The following DDX50 variants were observed in gnomAD, a reference collection of about 807,000 sequenced individuals.
DDX50 encodes the protein ATP-dependent RNA helicase DDX50.
A neutral mutation model predicts 94.8 loss-of-function variants in DDX50; 56 were observed. The observed-to-expected ratio is 0.59, with a 90% confidence interval of 0.48 to 0.74. The LOEUF (loss-of-function observed/expected upper bound fraction) is 0.74, where lower values mean the gene tolerates loss of function less well. Among genes scored for constraint, DDX50 ranks in the 30% least tolerant of loss-of-function variants. The probability of loss-of-function intolerance (pLI) is 0.00; values close to 1 mark genes in which losing one functional copy is unlikely to be tolerated. For synonymous variants in DDX50, 264 were observed against 295.4 expected (o/e 0.89, Z 1.09); for missense variants, 713 against 881.2 (o/e 0.81, Z 2.42).
intron 8 of DDX50, among the ~76,000 whole-genome samples, chr10:68,922,939 A>AT (rs927538853): frequency 6.6e-6 from 1 of 150,508 alleles, no homozygotes; most frequent in African/African-American, 2.4e-5. Context: ...CTACAGGCGC[A>AT]TGCCACCACA....
Position 68,906,852 on chromosome 10 carries a change from G to T in DDX50, c.229G>T (p.Gly77Ter). 6.2e-7 allele frequency: 1 copy of T among 1,613,026 alleles called. No homozygotes were observed. Reference sequence around the variant, plus strand: ...GAAGCTAAATGGAGACACTGAAGAAGGATTTAATAGACTTTCAGATGAATT... The same window carrying T: ...GAAGCTAAATGGAGACACTGAAGAATGATTTAATAGACTTTCAGATGAATT... ...KEKLNGDTEE[G>*]FNRLSDEFSK... Residue 77 changes from glycine to a stop codon, truncating the protein, a stop_gained, in exon 2 of 15, where the codon GGA (glycine) becomes TGA (stop). Coordinates refer to ENST00000373585, the MANE Select transcript of DDX50 (RefSeq NM_024045.2). LOFTEE classifies it high-confidence loss of function.
intron 8 of DDX50, among the ~76,000 whole-genome samples, chr10:68,933,976 A>T (rs1250470982): frequency 6.6e-6 from 1 of 151,618 alleles, no homozygotes; most frequent in African/African-American, 2.4e-5. Context: ...CCAAACTCTT[A>T]GCAGTGAATT....
intron 8 of DDX50, among the ~76,000 whole-genome samples, chr10:68,920,405 C>T (rs1390776844): frequency 2.0e-5 from 3 of 152,074 alleles, no homozygotes; most frequent in African/African-American, 7.2e-5. Flanking sequence ...TCAAGCAATT[C>T]CGCCCTCCCC....
At position 68,922,192 on chromosome 10, in the gene DDX50, C is replaced by CT. The variant is rs921347110; in HGVS notation, c.1239+2220dup. 3.5e-3 allele frequency among the ~76,000 whole-genome samples: 522 copies of CT among 151,146 alleles called. 3 individuals carry two copies. Among genetic ancestry groups the CT allele is most frequent in the African/African-American group, 0.012 (490 of 41,266 alleles). On this transcript the variant is annotated intron_variant, in intron 8 of 14. Transcript: ENST00000373585. Reference sequence around the variant, plus strand: ...CTTATTCAGTTTTCAAAATTTCTCTCTTTTTTTTTAAGAGACAGGATCTTG... The same window carrying CT: ...CTTATTCAGTTTTCAAAATTTCTCTCTTTTTTTTTTAAGAGACAGGATCTTG...
At chr10:68,946,128 A>G (rs998218647) in intron 14 of DDX50, among the ~76,000 whole-genome samples, 4 of 152,138 alleles carry the variant, frequency 2.6e-5, no homozygotes, top group African/African-American at 9.7e-5. Flanking sequence ...GTAATTAGTA[A>G]TACATAGTTT....
At chr10:68,913,731 A>C (rs1008328959) in intron 6 of DDX50, among the ~76,000 whole-genome samples, 155 bp downstream of exon 6, 1 of 152,224 alleles carries the variant, frequency 6.6e-6, no homozygotes, top group African/African-American at 2.4e-5. Context: ...AGAAAGTATG[A>C]TAGCATCATT....
chr10:68,926,619 C>T (rs1842096434), intron 8 of DDX50, among the ~76,000 whole-genome samples: 1 of 151,950 alleles, frequency 6.6e-6, no homozygotes, highest in African/African-American at 2.4e-5. Flanking sequence ...CTTCTAAATT[C>T]TAAACAGCTG....
intron 8 of DDX50, among the ~76,000 whole-genome samples, chr10:68,926,227 G>T (rs1406967306): frequency 6.8e-6 from 1 of 146,014 alleles, no homozygotes; most frequent in Non-Finnish European, 1.5e-5. Context: ...TTTATAAACA[G>T]ATAGATGGTA....
rs981554594 is a variant in DDX50, at chr10:68,906,812, A to C, written c.189A>C (p.Lys63Asn). ...ACCTGGATGCTCCCAAGGCCAAAAA[A>C]TCTAAAATGAAAGAGAAGCTAAATG... is the stretch of plus-strand genomic sequence containing the variant. ...TDDLDAPKAK[K>N]SKMKEKLNGD... The change falls in exon 2 of 15, where the codon AAA (lysine) becomes AAC (asparagine). Residue 63 changes from lysine (K) to asparagine (N), a missense_variant. Coordinates refer to ENST00000373585, the MANE Select transcript of DDX50 (RefSeq NM_024045.2). 3.1e-6 allele frequency: 5 copies of C among 1,613,822 alleles called. No homozygotes were observed. Among genetic ancestry groups the C allele is most frequent in the Non-Finnish European group, 4.2e-6 (5 of 1,179,962 alleles).
chr10:68,904,255 G>C (rs78812335), intron 1 of DDX50, among the ~76,000 whole-genome samples: 9,157 of 152,110 alleles, frequency 0.06, 325 homozygotes, highest in Middle Eastern at 0.1. Context: ...AGGCCACAGT[G>C]AACCATGGTT....
Position 68,934,791 on chromosome 10 carries a change from A to G in DDX50, c.1402-8A>G. 1 of 1,578,980 alleles carries G rather than the reference A, an allele frequency of 6.3e-7. No individual in the cohort carries two copies. The highest frequency in any genetic ancestry group is 8.6e-7 in the Non-Finnish European group (1 of 1,168,990). On this transcript the variant is annotated splice_region_variant and splice_polypyrimidine_tract_variant and intron_variant, in intron 9 of 14. Coordinates refer to ENST00000373585, the MANE Select transcript of DDX50 (RefSeq NM_024045.2). The surrounding 1 kb of genome is among the most constrained non-coding windows in gnomAD (Gnocchi z 4.0). ...TTTTTAAAAAATATTACCTTTTATA[A>G]TCTTTAGGATGTTGAGTCCTATATC...
intron 14 of DDX50, among the ~76,000 whole-genome samples, 173 bp from the exon 15 acceptor site, chr10:68,946,179 G>T (rs1208897593): frequency 6.6e-6 from 1 of 151,978 alleles, no homozygotes; most frequent in African/African-American, 2.4e-5. Flanking sequence ...TTATGATCTC[G>T]AAAATTGAAA....
intron 7 of DDX50, among the ~76,000 whole-genome samples, chr10:68,917,344 C>A (rs546166767): frequency 1.3e-5 from 2 of 151,994 alleles, no homozygotes; most frequent in South Asian, 4.1e-4. Context: ...CCTGTAGTCC[C>A]AGCTACTTGG....
intron 3 of DDX50, among the ~76,000 whole-genome samples, 160 bp from the exon 4 acceptor site, chr10:68,910,908 T>TA (rs1841607786): frequency 6.6e-6 from 1 of 152,246 alleles, no homozygotes; most frequent in Non-Finnish European, 1.5e-5. Flanking sequence ...AAGTTTAGAC[T>TA]AATTTTTTAG....
chr10:68,912,146 A>G (rs1841642247), intron 4 of DDX50, among the ~76,000 whole-genome samples: 1 of 152,108 alleles, frequency 6.6e-6, no homozygotes, highest in Non-Finnish European at 1.5e-5. Context: ...TTTCGGGTGA[A>G]ATTAGGAAAA....
At chr10:68,906,629 G>C in intron 1 of DDX50, 82 bp from the exon 2 acceptor site, 28 of 1,457,306 alleles carry the variant, frequency 1.9e-5, no homozygotes, top group Non-Finnish European at 2.5e-5. Flanking sequence ...CTGAACTGGT[G>C]GGGGAGTCAT....
intron 8 of DDX50, among the ~76,000 whole-genome samples, chr10:68,926,911 C>A (rs994900382): frequency 1.1e-4 from 16 of 147,644 alleles, no homozygotes; most frequent in Middle Eastern, 3.5e-3. Context: ...GTAAAAAAAA[C>A]CCCTGTGTTC....
intron 2 of DDX50, among the ~76,000 whole-genome samples, chr10:68,907,443 G>A (rs1235332023): frequency 6.6e-6 from 1 of 150,574 alleles, no homozygotes; most frequent in Admixed American, 6.7e-5. Flanking sequence ...AGCCTCTCAA[G>A]TAGCTGGGAT....
At chr10:68,933,922 C>T (rs562526760) in intron 8 of DDX50, among the ~76,000 whole-genome samples, 1 of 145,446 alleles carries the variant, frequency 6.9e-6, no homozygotes, top group South Asian at 2.2e-4. Flanking sequence ...GCAATAAGAG[C>T]AAAACTCTGT....
Sources: gnomAD v4.1 joint callset for allele counts (sites outside exome capture counted in the v4.1 genomes callset) on GRCh38, gnomAD v4.1.1 for gene constraint, Gnocchi (gnomAD v3.1) non-coding constraint, MANE v1.5 for transcripts, NCBI Gene and HGNC (gene_info 2026-07-23, HGNC 2026-07-21) for gene names.